The following WDR54 variants were observed in gnomAD, a reference collection of about 807,000 sequenced individuals.
The protein encoded by WDR54 is WD repeat-containing protein 54.
A neutral mutation model predicts 44.1 loss-of-function variants in WDR54; 44 were observed. That is an observed-to-expected ratio of 1.00 (90% confidence interval 0.78 to 1.28). WDR54 has a LOEUF of 1.28. WDR54 is among the 50% of genes most tolerant of loss of function. The pLI is 0.00. For synonymous variants in WDR54, 169 were observed against 169.8 expected, an observed-to-expected ratio of 1.00 and a Z score of 0.04; for missense variants, 409 against 429.7, an observed-to-expected ratio of 0.95 and a Z score of 0.43.
At chr2:74,423,409 G>C in intron 4 of WDR54, 24 bp downstream of exon 4, 1 of 1,614,166 alleles carries the variant, frequency 6.2e-7, no homozygotes, top group South Asian at 1.1e-5. Flanking sequence ...CAAGTGGGGT[G>C]GGGGCAGGGA....
chr2:74,424,856 A>G lies in WDR54; in HGVS notation c.535-19A>G. The G allele has an allele frequency of 6.2e-7, 1 of 1,613,790 alleles. No homozygotes were observed. Among genetic ancestry groups the G allele is most frequent in the Non-Finnish European group, 8.5e-7 (1 of 1,179,688 alleles). ...TAGCAGGGGAGAAAGGGAAGGGTTG[A>G]TCTTGCCTTTCCCTTCAGGATTGTG... On this transcript the variant is annotated intron_variant, in intron 6 of 9. Transcript: ENST00000348227.
At chr2:74,422,794 C>CAAA (rs1164877169) in intron 2 of WDR54, 76 bp from the exon 3 acceptor site, 25 of 1,050,230 alleles carry the variant, frequency 2.4e-5, no homozygotes, top group African/African-American at 1.2e-4. Context: ...CTCCGTCCCC[C>CAAA]AAAAAAAAAA....
chr2:74,425,296 A>T (rs1385773905), intron 8 of WDR54, 59 bp downstream of exon 8: 2 of 1,545,460 alleles, frequency 1.3e-6, no homozygotes, highest in East Asian at 2.3e-5. Flanking sequence ...TGTTGAGAGA[A>T]CACCACAGGC....
At position 74,425,653 on chromosome 2, in the gene WDR54, T is replaced by C. The variant is rs746231049; in HGVS notation, c.957T>C (p.Ala319=). ...GTGATTCCTCAGGCAACTCCTTTGC[T>C]GTGACTGGCTATGACCTTGCGGAGA... ...RFCDSSGNSF[A]VTGYDLAEIR... is the part of the protein sequence containing the mutation. The change falls in exon 10 of 10, where the codon GCT becomes GCC. Residue 319 remains alanine (A), a synonymous_variant. Transcript: ENST00000348227. 6.2e-6 allele frequency: 10 copies of C among 1,614,100 alleles called. No individual in the cohort carries two copies. The highest frequency in any genetic ancestry group is 7.6e-6 in the Non-Finnish European group (9 of 1,180,028).
intron 9 of WDR54, 38 bp downstream of exon 9, chr2:74,425,529 G>A (rs201672730): frequency 6.2e-7 from 1 of 1,614,232 alleles, no homozygotes; most frequent in East Asian, 2.2e-5. Context: ...GGGGGCCCAA[G>A]CATGGGGCAG....
chr2:74,422,442 C>T, intron 2 of WDR54, 67 bp downstream of exon 2: 1 of 1,502,110 alleles, frequency 6.7e-7, no homozygotes, highest in Middle Eastern at 1.7e-4. Context: ...CTCTCCAAAC[C>T]TTCAGGAGCA....
chr2:74,422,263 T>C lies in WDR54; in HGVS notation c.110T>C (p.Val37Ala). The change falls in exon 2 of 10, where the codon GTT becomes GCT. Residue 37 changes from valine (V) to alanine (A), a missense_variant. By Grantham distance (64) the Val-to-Ala change is moderately conservative. Coordinates refer to ENST00000348227, the MANE Select transcript of WDR54 (RefSeq NM_032118.4). ...CGCAACCTCACGTATTTTGGCGTGG[T>C]TCATGGACCAAGCGCCCAGCTTCTC... ...PARNLTYFGV[V>A]HGPSAQLLSA... The C allele has an allele frequency of 6.2e-7, 1 of 1,614,178 alleles. No homozygotes were observed. The highest frequency in any genetic ancestry group is 1.1e-5 in the South Asian group (1 of 91,092).
chr2:74,422,588 G>C (rs1248013298), intron 2 of WDR54: 1 of 641,016 alleles, frequency 1.6e-6, no homozygotes. Flanking sequence ...CCAGGAGTTC[G>C]AGACCAGCCT....
At position 74,425,573 on chromosome 2, in the gene WDR54, G is replaced by T. The variant is rs1225275364; in HGVS notation, c.877G>T (p.Glu293Ter). 2 of 1,614,124 alleles carry T rather than the reference G, an allele frequency of 1.2e-6. No homozygotes were observed. The highest frequency in any genetic ancestry group is 2.7e-5 in the African/African-American group (2 of 74,942). Reference protein sequence around the residue: ...RNPESGYIEVEHCHGECVADT... With the variant: ...RNPESGYIEV Reference sequence around the variant, plus strand: ...GACGAGCCCTCTGCTCCCCCAGGTGGAACACTGTCATGGTGAGTGTGTCGC... The same window carrying T: ...GACGAGCCCTCTGCTCCCCCAGGTGTAACACTGTCATGGTGAGTGTGTCGC... The change falls in exon 10 of 10, where the codon GAA (glutamate) becomes TAA (stop). Residue 293 changes from glutamate to a stop codon, truncating the protein, a stop_gained. Transcript: ENST00000348227. LOFTEE classifies it high-confidence loss of function.
chr2:74,422,449 A>ACAT, intron 2 of WDR54, 74 bp downstream of exon 2: 2 of 1,475,262 alleles, frequency 1.4e-6, no homozygotes, highest in South Asian at 1.3e-5. Flanking sequence ...AACCTTCAGG[A>ACAT]GCAGGCATGT....
chr2:74,425,742 AC>A lies in WDR54; in HGVS notation c.*44del. The A allele has an allele frequency of 1.9e-6, 3 of 1,612,832 alleles. No individual in the cohort carries two copies. The South Asian group carries it at 3.3e-5, about 18-fold the overall frequency. On this transcript the variant is annotated 3_prime_UTR_variant, in exon 10 of 10. Coordinates refer to ENST00000348227, the MANE Select transcript of WDR54 (RefSeq NM_032118.4). The stretch of plus-strand genomic sequence containing the variant: ...TTTGTCCCTGTGGTATTCATAAAGT[AC>A]CCGCTCCACCCAGCCTTTGTCTGAT...
chr2:74,425,584 T>C lies in WDR54; in HGVS notation c.888T>C (p.His296=), dbSNP rs1233594048. 2 of 1,614,198 alleles carry C rather than the reference T, an allele frequency of 1.2e-6. No individual in the cohort carries two copies. The highest frequency in any genetic ancestry group is 1.3e-5 in the African/African-American group (1 of 75,052). ...TGCTCCCCCAGGTGGAACACTGTCA[T>C]GGTGAGTGTGTCGCCGACACCCAGC... ...ESGYIEVEHC[H]GECVADTQLC... is the part of the protein sequence containing the mutation. Residue 296 remains histidine, a synonymous_variant, in exon 10 of 10, where the codon CAT becomes CAC. Coordinates refer to ENST00000348227, the MANE Select transcript of WDR54 (RefSeq NM_032118.4).
chr2:74,423,117 T>C, intron 3 of WDR54, 185 bp downstream of exon 3: 1 of 821,238 alleles, frequency 1.2e-6, no homozygotes, highest in Non-Finnish European at 2.0e-6. Flanking sequence ...ACCTCCAGTA[T>C]CTGCCCCTTT....
rs1377403802 is a variant in WDR54, at chr2:74,422,219, T to G, written c.66T>G (p.Ser22Arg). Residue 22 changes from serine (S) to arginine (R), a missense_variant, in exon 2 of 10, where the codon AGT becomes AGG. Physicochemically the swap from Ser to Arg is moderately radical, Grantham distance 110 (BLOSUM62 -1). Transcript: ENST00000348227. Reference protein sequence around the residue: ...GSAAALCNNLSVLQLPARNLT... With the variant: ...GSAAALCNNLRVLQLPARNLT... ...CCGCCGCCCTGTGCAACAACCTCAGTGTGCTGCAGCTGCCGGCTCGCAACC... is the reference window on the plus strand; with the variant it reads ...CCGCCGCCCTGTGCAACAACCTCAGGGTGCTGCAGCTGCCGGCTCGCAACC... The G allele has an allele frequency of 6.2e-7, 1 of 1,614,012 alleles. No individual in the cohort carries two copies. The highest frequency in any genetic ancestry group is 1.3e-5 in the African/African-American group (1 of 74,938).
At position 74,422,286 on chromosome 2, in the gene WDR54, C is replaced by T. The variant is rs1420985038; in HGVS notation, c.133C>T (p.Leu45Phe). The T allele has an allele frequency of 1.2e-6, 2 of 1,614,120 alleles. No individual in the cohort carries two copies. Among genetic ancestry groups the T allele is most frequent in the Non-Finnish European group, 1.7e-6 (2 of 1,180,052 alleles). The change falls in exon 2 of 10, where the codon CTC becomes TTC. Residue 45 changes from leucine to phenylalanine, a missense_variant. Transcript: ENST00000348227. ...GGTTCATGGACCAAGCGCCCAGCTT[C>T]TCAGCGCTGCTCCTGAGGGTGTGCC... ...GVVHGPSAQL[L>F]SAAPEGVPLA...
rs751175013 is a variant in WDR54, at chr2:74,422,312, CT to C, written c.161del (p.Leu54TrpfsTer14). ...LLSAAPEGVP[L>X]AQRQLHAKEG... ...TCAGCGCTGCTCCTGAGGGTGTGCC[CT>C]TGGCCCAGCGCCAGCTCCACGCTAA... On this transcript the variant is annotated frameshift_variant, in exon 2 of 10. Transcript: ENST00000348227. LOFTEE classifies it high-confidence loss of function. The C allele has an allele frequency of 4.3e-6, 7 of 1,614,188 alleles. No homozygotes were observed. In the Admixed American group the frequency reaches 5.0e-5, roughly 12 times the overall value.
At position 74,422,243 on chromosome 2, in the gene WDR54, C is replaced by T. The variant is rs1216024340; in HGVS notation, c.90C>T (p.Asn30=). 1 of 1,614,060 alleles carries T rather than the reference C, an allele frequency of 6.2e-7. No homozygotes were observed. The highest frequency in any genetic ancestry group is 8.5e-7 in the Non-Finnish European group (1 of 1,180,048). The change falls in exon 2 of 10, where the codon AAC becomes AAT. Residue 30 remains asparagine, a synonymous_variant. Transcript: ENST00000348227. ...NLSVLQLPAR[N]LTYFGVVHGP... ...GTGTGCTGCAGCTGCCGGCTCGCAACCTCACGTATTTTGGCGTGGTTCATG... is the reference window on the plus strand; with the variant it reads ...GTGTGCTGCAGCTGCCGGCTCGCAATCTCACGTATTTTGGCGTGGTTCATG...
Position 74,421,743 on chromosome 2 carries a change from T to C in WDR54, c.-75T>C, listed in dbSNP as rs772307425. 11 of 602,638 alleles carry C rather than the reference T, an allele frequency of 1.8e-5. No homozygotes were observed. Among genetic ancestry groups the C allele is most frequent in the Middle Eastern group, 2.5e-4 (1 of 3,950 alleles). The allele number at this position is 602,638 out of a possible 1,614,324, so 37.3% of individuals were successfully genotyped here. ...CGCCCAAGGGCCGTGCGTACGTGCG[T>C]CGTCTCTATGGTGGCGGCGGATTTG... On this transcript the variant is annotated 5_prime_UTR_variant, in exon 1 of 10. Transcript: ENST00000348227.
Position 74,424,931 on chromosome 2 carries a change from G to A in WDR54, c.591G>A (p.Arg197=). The part of the protein sequence containing the change: ...ADDSGLLCVW[R]SGPEFTLLTR... Reference sequence around the variant, plus strand: ...ACTCAGGCTTGCTGTGTGTCTGGCGGTCAGGGCCAGAATTCACATTATTGA... The same window carrying A: ...ACTCAGGCTTGCTGTGTGTCTGGCGATCAGGGCCAGAATTCACATTATTGA... Residue 197 remains arginine, a synonymous_variant, in exon 7 of 10, where the codon CGG becomes CGA. Coordinates refer to ENST00000348227, the MANE Select transcript of WDR54 (RefSeq NM_032118.4). The A allele has an allele frequency of 1.2e-6, 2 of 1,614,220 alleles. No individual in the cohort carries two copies. Among genetic ancestry groups the A allele is most frequent in the Non-Finnish European group, 1.7e-6 (2 of 1,180,048 alleles).
Sources: allele counts gnomAD v4.1 joint callset, GRCh38; gene constraint gnomAD v4.1.1; transcripts MANE v1.5; gene names NCBI Gene and HGNC (gene_info 2026-07-23, HGNC 2026-07-21).